The following DPP10 variants were observed in gnomAD, a reference collection of about 807,000 sequenced individuals.
DPP10 encodes the protein inactive dipeptidyl peptidase 10.
A neutral mutation model predicts 120.9 loss-of-function variants in DPP10; 33 were observed. The observed-to-expected ratio is 0.27, with a 90% confidence interval of 0.21 to 0.37. The LOEUF (loss-of-function observed/expected upper bound fraction) is 0.37, where lower values mean the gene tolerates loss of function less well. Ranked by LOEUF, DPP10 falls within the 10% of genes least tolerant of loss-of-function variation. The pLI is 1.00. For synonymous variants in DPP10, 337 were observed against 326.1 expected, an observed-to-expected ratio of 1.03 and a Z score of -0.36; for missense variants, 816 against 942.8, an observed-to-expected ratio of 0.87 and a Z score of 1.76.
chr2:115,249,881 G>A (rs2058682509), intron 1 of DPP10, among the ~76,000 whole-genome samples: 1 of 152,106 alleles, frequency 6.6e-6, no homozygotes, highest in Admixed American at 6.6e-5. Context: ...CCTGAATGAT[G>A]TTAATTAGGG....
At chr2:115,728,287 CTAA>C (rs1559081270) in intron 8 of DPP10, among the ~76,000 whole-genome samples, 1 of 28,384 alleles carries the variant, frequency 3.5e-5, no homozygotes, top group Non-Finnish European at 7.4e-5. Context: ...ACCTTTATTT[CTAA>C]AAAAAAAAAA....
intron 1 of DPP10, among the ~76,000 whole-genome samples, chr2:114,796,865 T>A (rs1234334795): frequency 2.0e-5 from 3 of 152,206 alleles, no homozygotes; most frequent in African/African-American, 7.2e-5. Flanking sequence ...TGTTTAAATG[T>A]GTAACTGAAG....
intron 4 of DPP10, among the ~76,000 whole-genome samples, chr2:115,518,835 C>G (rs546113227): frequency 1.8e-4 from 27 of 152,136 alleles, no homozygotes; most frequent in African/African-American, 6.3e-4. Flanking sequence ...ATTCTAATGT[C>G]AAATTTTTTA....
At chr2:115,067,938 T>C (rs1645944813) in intron 1 of DPP10, among the ~76,000 whole-genome samples, 1 of 151,338 alleles carries the variant, frequency 6.6e-6, no homozygotes, top group Non-Finnish European at 1.5e-5. Flanking sequence ...GGTGTGTGTT[T>C]TTGTGTCTGT....
intron 1 of DPP10, among the ~76,000 whole-genome samples, chr2:115,013,202 T>A (rs767504652): frequency 1.3e-5 from 2 of 152,112 alleles, no homozygotes; most frequent in Non-Finnish European, 2.9e-5. Flanking sequence ...GGTGACAAAA[T>A]CTCTCACCGT....
intron 1 of DPP10, among the ~76,000 whole-genome samples, chr2:114,631,445 G>A (rs1297697130): frequency 6.6e-6 from 1 of 152,080 alleles, no homozygotes; most frequent in Non-Finnish European, 1.5e-5. Context: ...TTTTCCTCAA[G>A]GCCAGAGCTA....
intron 1 of DPP10, among the ~76,000 whole-genome samples, chr2:114,573,533 C>T (rs1332438077): frequency 1.3e-5 from 2 of 152,044 alleles, no homozygotes; most frequent in Non-Finnish European, 2.9e-5. Flanking sequence ...AGATATGGTC[C>T]CAAGCTATCA....
At chr2:115,539,095 A>G (rs1171194058) in intron 5 of DPP10, among the ~76,000 whole-genome samples, 1 of 151,898 alleles carries the variant, frequency 6.6e-6, no homozygotes, top group East Asian at 1.9e-4. Flanking sequence ...GGAGGTGGAT[A>G]TATCAGTGTT....
At chr2:114,518,856 C>G (rs900609778) in intron 1 of DPP10, among the ~76,000 whole-genome samples, 1 of 152,224 alleles carries the variant, frequency 6.6e-6, no homozygotes, top group African/African-American at 2.4e-5. Context: ...CCAGTCAGCT[C>G]AGCTTTTCAA....
At chr2:114,544,188 G>T (rs1035348376) in intron 1 of DPP10, among the ~76,000 whole-genome samples, 1 of 152,194 alleles carries the variant, frequency 6.6e-6, no homozygotes, top group African/African-American at 2.4e-5. Context: ...GAATCAATGG[G>T]AGAGGTCTAT....
chr2:115,643,393 G>A (rs984182027), intron 5 of DPP10, among the ~76,000 whole-genome samples: 3 of 152,140 alleles, frequency 2.0e-5, no homozygotes, highest in African/African-American at 7.2e-5. Context: ...AAGAATAGTA[G>A]CAGCATGAAA....
chr2:115,526,165 A>G (rs1182020474), intron 5 of DPP10, 193 bp downstream of exon 5: 1 of 490,854 alleles, frequency 2.0e-6, no homozygotes, highest in African/African-American at 2.0e-5. Flanking sequence ...TGCACAGCAA[A>G]TAATTGGGAC....
intron 1 of DPP10, among the ~76,000 whole-genome samples, chr2:114,914,745 C>A (rs1458306109): frequency 2.0e-5 from 3 of 152,182 alleles, no homozygotes; most frequent in Non-Finnish European, 4.4e-5. Flanking sequence ...ACTTAAAGGG[C>A]AAAGAGTGGC....
At chr2:115,653,753 A>T (rs921927319) in intron 5 of DPP10, among the ~76,000 whole-genome samples, 1 of 151,446 alleles carries the variant, frequency 6.6e-6, no homozygotes, top group Non-Finnish European at 1.5e-5. Flanking sequence ...AGGAATGATA[A>T]TGTCATGGGA....
chr2:115,058,383 T>C (rs1706116076), intron 1 of DPP10, among the ~76,000 whole-genome samples: 1 of 151,996 alleles, frequency 6.6e-6, no homozygotes, highest in African/African-American at 2.4e-5. Flanking sequence ...AAAAACCATT[T>C]ACATTTCCAA....
intron 1 of DPP10, among the ~76,000 whole-genome samples, chr2:114,639,625 C>T (rs1283567770): frequency 1.3e-5 from 2 of 151,818 alleles, no homozygotes; most frequent in Non-Finnish European, 2.9e-5. Flanking sequence ...AACAAACCTG[C>T]ACATGTACCC....
In DPP10 at chr2:115,727,852, G is replaced by C. The variant is rs2092803256; in HGVS notation, c.613G>C (p.Asp205His). ...TGAAAATAATATCTACTATCAACCT[G>C]ATATAAAGAGCAGTTCATTGCGACT... ...IFENNIYYQP[D>H]IKSSSLRLTS... Residue 205 changes from aspartate to histidine, a missense_variant, in exon 8 of 26, where the codon GAT (aspartate) becomes CAT (histidine). By Grantham distance (81) the Asp-to-His change is moderately conservative (BLOSUM62 -1). This residue lies in a region of DPP10 where 42 missense variants were observed against 86.4 expected (regional missense o/e 0.49). Coordinates refer to ENST00000410059, the MANE Select transcript of DPP10 (RefSeq NM_020868.6). The C allele has an allele frequency of 6.2e-7, 1 of 1,602,976 alleles. No homozygotes were observed. The highest frequency in any genetic ancestry group is 8.5e-7 in the Non-Finnish European group (1 of 1,176,174).
At chr2:115,381,066 A>G (rs901931618) in intron 3 of DPP10, among the ~76,000 whole-genome samples, 9 of 151,966 alleles carry the variant, frequency 5.9e-5, no homozygotes, top group Non-Finnish European at 1.0e-4. Flanking sequence ...TCTTTGTGGC[A>G]TTCTCTGTAT....
At chr2:115,134,385 T>C (rs1337006514) in intron 1 of DPP10, among the ~76,000 whole-genome samples, 1 of 152,216 alleles carries the variant, frequency 6.6e-6, no homozygotes, top group East Asian at 1.9e-4. Flanking sequence ...ATGCATGAAG[T>C]GGCTGACTGG....
Sources: allele counts gnomAD v4.1 joint callset (sites outside exome capture counted in the v4.1 genomes callset), GRCh38; gene constraint gnomAD v4.1.1; regional missense constraint gnomAD v4.1.1; transcripts MANE v1.5; gene names NCBI Gene and HGNC (gene_info 2026-07-23, HGNC 2026-07-21).